HMOX1: variants seen among roughly 807,000 people sequenced by gnomAD.
The protein encoded by HMOX1 is heme oxygenase 1, also known as heat shock protein, 32-kD.
In HMOX1, 22 loss-of-function variants were observed where a neutral mutation model predicts 27.8. The ratio of observed to expected loss-of-function variants is 0.79; its 90% CI spans 0.57 to 1.13. The LOEUF (loss-of-function observed/expected upper bound fraction) is 1.13, where lower values mean the gene tolerates loss of function less well. Among genes scored for constraint, HMOX1 ranks in the 50% most tolerant of loss-of-function variants. HMOX1 has a pLI of 0.00. For missense variants in HMOX1, 379 were observed against 377.7 expected, an observed-to-expected ratio of 1.00 and a Z score of -0.03; for synonymous variants, 153 against 151.6, an observed-to-expected ratio of 1.01 and a Z score of -0.07.
intron 2 of HMOX1, 26 bp from the exon 3 acceptor site, chr22:35,386,659 G>A: frequency 6.2e-7 from 1 of 1,613,850 alleles, no homozygotes; most frequent in Non-Finnish European, 8.5e-7. Flanking sequence ...GTGGCTGGCG[G>A]CCTGACCTGC....
intron 4 of HMOX1, among the ~76,000 whole-genome samples, chr22:35,391,585 C>CAT (rs372077518): frequency 0.21 from 23,584 of 110,824 alleles, 3,369 homozygotes; most frequent in East Asian, 0.33. Context: ...CCGCGCCCGG[C>CAT]CTTTTTTTTT....
chr22:35,386,632 A>AGGTGG, intron 2 of HMOX1, 53 bp from the exon 3 acceptor site: 1 of 1,612,658 alleles, frequency 6.2e-7, no homozygotes, highest in Non-Finnish European at 8.5e-7. Flanking sequence ...GGACGGACAG[A>AGGTGG]GGTGGGGGTC....
In HMOX1 at chr22:35,393,724, C is replaced by G; in HGVS notation, c.*126C>G. On this transcript the variant is annotated 3_prime_UTR_variant, in exon 5 of 5. Coordinates refer to ENST00000216117, the MANE Select transcript of HMOX1 (RefSeq NM_002133.3). ...GAAGGCTTTCAGGGCCTCCAGCCCT[C>G]TCACTGTGTCCCTCTCTCTGGAAAG... is the stretch of plus-strand genomic sequence containing the variant. The G allele has an allele frequency of 1.8e-6, 2 of 1,104,228 alleles. No homozygotes were observed. The highest frequency in any genetic ancestry group is 1.3e-5 in the South Asian group (1 of 79,598). 68.4% of individuals were successfully genotyped at this position (1,104,228 alleles called of 1,614,324 possible). A position where few individuals can be genotyped will look rare whatever the true frequency, so the allele number is the denominator to read the frequency against.
Position 35,389,317 on chromosome 22 carries a change from T to C in HMOX1, c.637-547T>C, listed in dbSNP as rs1190127423. Among the ~76,000 whole-genome samples, 31 of 129,430 alleles carry C rather than the reference T, an allele frequency of 2.4e-4. 1 individual carries two copies. Among genetic ancestry groups the C allele is most frequent in the African/African-American group, 1.1e-3 (27 of 24,948 alleles). The allele number at this position is 129,430 out of a possible 152,430, so 84.9% of individuals were successfully genotyped here. ...CTTTCTTCTTTCTTTCTTTCTTTCT[T>C]TCTTCTTTCTTTCTTTCTTTCTTCT... On this transcript the variant is annotated intron_variant, in intron 3 of 4. Coordinates refer to ENST00000216117, the MANE Select transcript of HMOX1 (RefSeq NM_002133.3).
chr22:35,383,697 G>A (rs1013689185), intron 2 of HMOX1, among the ~76,000 whole-genome samples: 1 of 152,184 alleles, frequency 6.6e-6, no homozygotes, highest in African/African-American at 2.4e-5. Flanking sequence ...TGAAGATAAG[G>A]AATAATATAG....
rs777180882 is a variant in HMOX1, at chr22:35,389,287, C to CT, written c.637-576dup. Among the ~76,000 whole-genome samples, 191 of 101,434 alleles carry CT rather than the reference C, an allele frequency of 1.9e-3. 14 individuals are homozygous for CT. Among genetic ancestry groups the CT allele is most frequent in the Middle Eastern group, 5.0e-3 (1 of 202 alleles). 66.5% of individuals were successfully genotyped at this position (101,434 alleles called of 152,430 possible). A position where few individuals can be genotyped will look rare whatever the true frequency, so the allele number is the denominator to read the frequency against. Reference sequence around the variant, plus strand: ...CTCTCTCTCTCTCCTCTCTCTCTCTCTCTTCTTTCTTCTTTCTTTCTTTCT... The same window carrying CT: ...CTCTCTCTCTCTCCTCTCTCTCTCTCTTCTTCTTTCTTCTTTCTTTCTTTCT... On this transcript the variant is annotated intron_variant, in intron 3 of 4. Transcript: ENST00000216117.
At chr22:35,389,235 T>G (rs1931596576) in intron 3 of HMOX1, among the ~76,000 whole-genome samples, 1 of 137,364 alleles carries the variant, frequency 7.3e-6, no homozygotes, top group Non-Finnish European at 1.5e-5. Flanking sequence ...CTTTCTTTCT[T>G]TCTTTTTCTT....
chr22:35,391,625 G>A (rs5995101), intron 4 of HMOX1, among the ~76,000 whole-genome samples: 32,368 of 109,264 alleles, frequency 0.3, 4,886 homozygotes, highest in East Asian at 0.46. Flanking sequence ...ACAGGGTCTC[G>A]CTCTTTCACC....
intron 3 of HMOX1, among the ~76,000 whole-genome samples, chr22:35,389,323 T>TTTCTTTCTTTC (rs1931619086): frequency 9.2e-6 from 1 of 108,634 alleles, no homozygotes; most frequent in African/African-American, 5.1e-5. Flanking sequence ...TTCTTTCTTC[T>TTTCTTTCTTTC]TTCTTTCTTT....
At chr22:35,384,458 C>T (rs1245390677) in intron 2 of HMOX1, among the ~76,000 whole-genome samples, 1 of 152,006 alleles carries the variant, frequency 6.6e-6, no homozygotes, top group African/African-American at 2.4e-5. Flanking sequence ...AATGGGTCTT[C>T]CTCATCCTCC....
intron 3 of HMOX1, among the ~76,000 whole-genome samples, chr22:35,388,061 T>G (rs543725995): frequency 4.0e-4 from 61 of 151,774 alleles, no homozygotes; most frequent in African/African-American, 1.5e-3. Context: ...CTCAGGAGTT[T>G]CAGACCAGCC....
chr22:35,390,525 G>A lies in HMOX1; in HGVS notation c.736+562G>A, dbSNP rs373373818. On this transcript the variant is annotated intron_variant, in intron 4 of 4. Transcript: ENST00000216117. ...ATTACAGGCGTGAGTCACTGTGCCC[G>A]GCCACCTGCGTGTTTTTGTATGAGA... is the stretch of plus-strand genomic sequence containing the variant. 7.9e-5 allele frequency among the ~76,000 whole-genome samples: 12 copies of A among 152,202 alleles called. No homozygotes were observed. The South Asian group carries it at 1.0e-3, about 13-fold the overall frequency.
chr22:35,383,140 GC>G lies in HMOX1; in HGVS notation c.60del (p.Thr21ProfsTer14). ...GGATTTGTCAGAGGCCCTGAAGGAGGCCACCAAGGAGGTGCACACCCAGGCA... is the reference window on the plus strand; with the variant it reads ...GGATTTGTCAGAGGCCCTGAAGGAGGCACCAAGGAGGTGCACACCCAGGCA... ...PQDLSEALKE[A>X]TKEVHTQAEN... On this transcript the variant is annotated frameshift_variant, in exon 2 of 5. Coordinates refer to ENST00000216117, the MANE Select transcript of HMOX1 (RefSeq NM_002133.3). LOFTEE classifies it high-confidence loss of function. 1 of 1,613,796 alleles carries G rather than the reference GC, an allele frequency of 6.2e-7. No individual in the cohort carries two copies. Among genetic ancestry groups the G allele is most frequent in the Non-Finnish European group, 8.5e-7 (1 of 1,179,788 alleles).
At chr22:35,381,243 C>T (rs1931382615) in intron 1 of HMOX1, 47 bp downstream of exon 1, 1 of 1,541,226 alleles carries the variant, frequency 6.5e-7, no homozygotes, top group Non-Finnish European at 8.7e-7. Flanking sequence ...TCTCTCCCAA[C>T]CCTGCTTGCG....
At chr22:35,390,000 A>G in intron 4 of HMOX1, 37 bp downstream of exon 4, 1 of 1,382,918 alleles carries the variant, frequency 7.2e-7, no homozygotes, top group Non-Finnish European at 1.0e-6. Flanking sequence ...CCTCTGGGCT[A>G]CACATGGAGG....
At chr22:35,386,597 G>A in intron 2 of HMOX1, 88 bp from the exon 3 acceptor site, 1 of 1,560,358 alleles carries the variant, frequency 6.4e-7, no homozygotes, top group Non-Finnish European at 8.8e-7. Flanking sequence ...AGTGAGGAGG[G>A]CCTTTCCAAA....
intron 1 of HMOX1, 40 bp from the exon 2 acceptor site, chr22:35,383,066 C>G (rs1601739419): frequency 6.2e-7 from 1 of 1,610,552 alleles, no homozygotes; most frequent in South Asian, 1.1e-5. Flanking sequence ...GACCCCACCC[C>G]CAGCCAGCTT....
intron 3 of HMOX1, among the ~76,000 whole-genome samples, chr22:35,387,406 T>C (rs1200182021): frequency 6.6e-6 from 1 of 152,238 alleles, no homozygotes; most frequent in Non-Finnish European, 1.5e-5. Flanking sequence ...CTTAGACTTA[T>C]AAGGCTTGAG....
At chr22:35,389,797 C>A in intron 3 of HMOX1, 67 bp from the exon 4 acceptor site, 2 of 1,087,462 alleles carry the variant, frequency 1.8e-6, no homozygotes, top group South Asian at 1.3e-5. Flanking sequence ...AACTTAAGGT[C>A]CTACCTTCAG....
Sources: allele counts gnomAD v4.1 joint callset (sites outside exome capture counted in the v4.1 genomes callset), GRCh38; gene constraint gnomAD v4.1.1; transcripts MANE v1.5; gene names NCBI Gene and HGNC (gene_info 2026-07-23, HGNC 2026-07-21).